Variants in ABCC1 observed in about 807,000 individuals in gnomAD.
ABCC1 encodes ATP binding cassette subfamily C member 1 (ABCC1 blood group).
A neutral mutation model predicts 172.9 loss-of-function variants in ABCC1; 83 were observed. That is an observed-to-expected ratio of 0.48 (90% CI 0.40 to 0.58). ABCC1 has a LOEUF of 0.58. ABCC1 is among the 20% of genes least tolerant of loss of function. ABCC1 has a pLI of 0.00. For missense variants in ABCC1, 1,817 were observed against 2,002.7 expected (o/e 0.91, Z 1.77); for synonymous variants, 937 against 825.2 (o/e 1.14, Z -2.32).
chr16:16,016,513 G>T lies in ABCC1; in HGVS notation c.507G>T (p.Leu169=). The change falls in exon 5 of 31, where the codon CTG becomes CTT. Residue 169 remains leucine, a synonymous_variant. Coordinates refer to ENST00000399410, the MANE Select transcript of ABCC1 (RefSeq NM_004996.4). ...CCATGTAGGATGCCCAGGTGGACCTGTTTCGTGACATCACTTTCTACGTCT... is the reference window on the plus strand; with the variant it reads ...CCATGTAGGATGCCCAGGTGGACCTTTTTCGTGACATCACTTTCTACGTCT... ...TALKEDAQVD[L]FRDITFYVYF... is the part of the protein sequence containing the mutation. 1 of 1,614,094 alleles carries T rather than the reference G, an allele frequency of 6.2e-7. No homozygotes were observed. Among genetic ancestry groups the T allele is most frequent in the African/African-American group, 1.3e-5 (1 of 75,030 alleles).
chr16:15,986,263 C>T (rs1436974829), intron 1 of ABCC1, among the ~76,000 whole-genome samples: 6 of 152,088 alleles, frequency 3.9e-5, no homozygotes, highest in Admixed American at 3.9e-4. Context: ...CTCAGATATT[C>T]CCACCGTCCT....
intron 19 of ABCC1, among the ~76,000 whole-genome samples, chr16:16,100,374 C>T (rs1467241166): frequency 1.3e-5 from 2 of 152,086 alleles, no homozygotes; most frequent in African/African-American, 4.8e-5. Flanking sequence ...CGGGGGGGCT[C>T]TCTGCGGCAT....
chr16:16,042,575 C>T (rs2049017842), intron 7 of ABCC1, among the ~76,000 whole-genome samples: 1 of 151,898 alleles, frequency 6.6e-6, no homozygotes, highest in African/African-American at 2.4e-5. Context: ...TGGTAGCGCA[C>T]ACCTGTAATC....
intron 1 of ABCC1, among the ~76,000 whole-genome samples, chr16:15,989,306 G>A (rs1043585786): frequency 5.3e-5 from 8 of 152,090 alleles, no homozygotes; most frequent in Non-Finnish European, 8.8e-5. Flanking sequence ...ATGCCAGGGC[G>A]CGTCACTGCC....
intron 3 of ABCC1, among the ~76,000 whole-genome samples, chr16:16,011,304 G>A (rs1010860636): frequency 3.9e-5 from 6 of 151,984 alleles, no homozygotes; most frequent in Non-Finnish European, 7.4e-5. Context: ...TGAACAGTGT[G>A]TCCAGGGAGG....
intron 7 of ABCC1, among the ~76,000 whole-genome samples, chr16:16,043,408 C>T (rs1429385172): frequency 6.6e-6 from 1 of 151,602 alleles, no homozygotes; most frequent in African/African-American, 2.4e-5. Context: ...AAGCGATTCT[C>T]CTGCCTCAGC....
At chr16:16,058,263 T>G (rs1448550388) in intron 12 of ABCC1, among the ~76,000 whole-genome samples, 2 of 152,178 alleles carry the variant, frequency 1.3e-5, no homozygotes, top group Non-Finnish European at 2.9e-5. Flanking sequence ...GAAGGATGAC[T>G]TCAGATCATG....
chr16:16,059,949 T>C (rs551163723), intron 12 of ABCC1, among the ~76,000 whole-genome samples: 1 of 151,414 alleles, frequency 6.6e-6, no homozygotes, highest in Admixed American at 6.6e-5. Flanking sequence ...CGAGCTGAGG[T>C]CACGCCACTG....
intron 1 of ABCC1, among the ~76,000 whole-genome samples, chr16:15,964,839 A>T (rs1182608236): frequency 2.0e-5 from 3 of 152,160 alleles, no homozygotes; most frequent in Admixed American, 6.5e-5. Flanking sequence ...CTGCATTTCA[A>T]TTACAATTAG....
At chr16:16,108,206 G>C (rs1596514932) in intron 21 of ABCC1, among the ~76,000 whole-genome samples, 1 of 151,786 alleles carries the variant, frequency 6.6e-6, no homozygotes, top group African/African-American at 2.4e-5. Context: ...AAGCCAGGGG[G>C]CTTGTTACTT....
At chr16:16,120,693 G>A (rs770915168) in intron 23 of ABCC1, among the ~76,000 whole-genome samples, 8 of 152,176 alleles carry the variant, frequency 5.3e-5, no homozygotes, top group Non-Finnish European at 1.0e-4. Flanking sequence ...GATGGGCATG[G>A]TGGGTGGAGG....
At chr16:16,019,745 C>A (rs2048130539) in intron 5 of ABCC1, among the ~76,000 whole-genome samples, 1 of 152,124 alleles carries the variant, frequency 6.6e-6, no homozygotes, top group Non-Finnish European at 1.5e-5. Context: ...GCAGCCTGGG[C>A]CTGGGATTTG....
intron 1 of ABCC1, among the ~76,000 whole-genome samples, chr16:15,955,003 C>A (rs566831807): frequency 1.3e-5 from 2 of 152,162 alleles, no homozygotes; most frequent in East Asian, 3.9e-4. Flanking sequence ...GGCTGCTTTT[C>A]ATGGCTTCCC....
intron 9 of ABCC1, among the ~76,000 whole-genome samples, chr16:16,046,765 A>ACT (rs1555488638): frequency 1.4e-5 from 2 of 145,040 alleles, no homozygotes; most frequent in African/African-American, 5.1e-5. Flanking sequence ...ATCCCTATAA[A>ACT]TTTTTTTTTT....
chr16:15,995,895 G>A (rs962244906), intron 1 of ABCC1, among the ~76,000 whole-genome samples: 2 of 151,528 alleles, frequency 1.3e-5, no homozygotes, highest in South Asian at 2.1e-4. Context: ...CTCTGGTCTC[G>A]AACTCCTGGG....
intron 6 of ABCC1, among the ~76,000 whole-genome samples, chr16:16,034,125 T>C (rs1389492259): frequency 6.9e-6 from 1 of 144,426 alleles, no homozygotes; most frequent in East Asian, 2.2e-4. Context: ...TCTACTGGGC[T>C]TAGGTGATGC....
In ABCC1 at chr16:16,088,338, G is replaced by A. The variant is rs571937500; in HGVS notation, c.2460+1347G>A. Among the ~76,000 whole-genome samples, 49 of 152,256 alleles carry A rather than the reference G, an allele frequency of 3.2e-4. No homozygotes were observed. In the South Asian group the frequency reaches 4.1e-3, roughly 13 times the overall value. ...TGCATGGCTGTAATCCCAGCTACTC[G>A]GGAAGCTGAGGCCGGAGAATGTCTT... On this transcript the variant is annotated intron_variant, in intron 18 of 30. Transcript: ENST00000399410.
chr16:16,102,346 G>C (rs1429668105), intron 19 of ABCC1, among the ~76,000 whole-genome samples: 1 of 152,190 alleles, frequency 6.6e-6, no homozygotes, highest in Non-Finnish European at 1.5e-5. Context: ...ATTGCTGCTG[G>C]CACAGGATGC....
At chr16:16,126,321 C>T (rs2045432150) in intron 26 of ABCC1, among the ~76,000 whole-genome samples, 2 of 152,192 alleles carry the variant, frequency 1.3e-5, no homozygotes, top group African/African-American at 4.8e-5. Flanking sequence ...GCAGCCCTCA[C>T]ACTTGGAGTC....
Sources: allele counts gnomAD v4.1 joint callset (sites outside exome capture counted in the v4.1 genomes callset), GRCh38; gene constraint gnomAD v4.1.1; transcripts MANE v1.5; gene names NCBI Gene and HGNC (gene_info 2026-07-23, HGNC 2026-07-21).